The following LIN28B variants were observed in gnomAD, a reference collection of about 807,000 sequenced individuals.
LIN28B encodes the protein protein lin-28 homolog B.
In LIN28B, 5 loss-of-function variants were observed where a neutral mutation model predicts 21.9. That is an observed-to-expected ratio of 0.23 (90% CI 0.12 to 0.48). The LOEUF is 0.48. Ranked by LOEUF, LIN28B falls within the 20% of genes least tolerant of loss-of-function variation. LIN28B has a pLI of 0.98. For synonymous variants in LIN28B, 109 were observed against 111.3 expected, an observed-to-expected ratio of 0.98 and a Z score of 0.13; for missense variants, 245 against 310.5, an observed-to-expected ratio of 0.79 and a Z score of 1.58.
chr6:105,073,993 T>C (rs988212682), intron 3 of LIN28B, among the ~76,000 whole-genome samples: 4 of 152,254 alleles, frequency 2.6e-5, no homozygotes, highest in Non-Finnish European at 4.4e-5. Context: ...GAATTAGTTT[T>C]CATTTTTTGA....
intron 2 of LIN28B, among the ~76,000 whole-genome samples, chr6:104,982,750 A>G (rs1770253459): frequency 6.6e-6 from 1 of 152,178 alleles, no homozygotes; most frequent in South Asian, 2.1e-4. Flanking sequence ...TCTCATAATT[A>G]TTAAGTTAAA....
chr6:104,953,723 G>C (rs1335526704), upstream of LIN28B, among the ~76,000 whole-genome samples: 2 of 152,066 alleles, frequency 1.3e-5, no homozygotes, highest in Non-Finnish European at 2.9e-5. Flanking sequence ...CTCAGGTCTC[G>C]GCCGCCTGGG....
chr6:105,067,871 T>A (rs550204550), intron 3 of LIN28B, among the ~76,000 whole-genome samples: 1 of 152,298 alleles, frequency 6.6e-6, no homozygotes, highest in East Asian at 1.9e-4. Flanking sequence ...ATGCTCCCCT[T>A]TGCCCCCATG....
intron 3 of LIN28B, chr6:104,950,641 C>T (rs977147135): frequency 6.7e-6 from 3 of 447,062 alleles, no homozygotes; most frequent in African/African-American, 4.0e-5. Context: ...AGACAGGTAC[C>T]AAGTCCTCCT....
chr6:105,030,473 C>G (rs1031787045), intron 3 of LIN28B, among the ~76,000 whole-genome samples: 1 of 151,990 alleles, frequency 6.6e-6, no homozygotes, highest in Non-Finnish European at 1.5e-5. Context: ...TGTGAAGCAG[C>G]CTTGAAAATC....
intron 2 of LIN28B, among the ~76,000 whole-genome samples, chr6:104,996,501 C>G (rs1770607784): frequency 6.6e-6 from 1 of 152,110 alleles, no homozygotes; most frequent in Non-Finnish European, 1.5e-5. Flanking sequence ...CAGTATATAA[C>G]AGTGATAAGT....
chr6:104,996,252 A>G (rs1770600932), intron 2 of LIN28B, among the ~76,000 whole-genome samples: 1 of 152,212 alleles, frequency 6.6e-6, no homozygotes, highest in Non-Finnish European at 1.5e-5. Flanking sequence ...TAGAAAGAGG[A>G]ATATAGCAGG....
At chr6:105,017,072 CAAAAAAAA>C (rs56179020) in intron 2 of LIN28B, among the ~76,000 whole-genome samples, 3 of 86,064 alleles carry the variant, frequency 3.5e-5, no homozygotes, top group South Asian at 4.1e-4. Flanking sequence ...GACTCTGTCT[CAAAAAAAA>C]AAAAAAAAAA....
upstream of LIN28B, among the ~76,000 whole-genome samples, chr6:104,954,481 T>TC (rs746659239): frequency 2.6e-4 from 40 of 152,274 alleles, no homozygotes; most frequent in Non-Finnish European, 4.7e-4. Flanking sequence ...CTTTCCAACT[T>TC]CCTTGCTTTC....
At chr6:104,944,116 A>G (rs1327249089) in intron 2 of LIN28B, among the ~76,000 whole-genome samples, 2 of 132,406 alleles carry the variant, frequency 1.5e-5, no homozygotes, top group African/African-American at 5.0e-5. Flanking sequence ...ATATATGCAT[A>G]TATATTTCAT....
chr6:104,989,917 T>C lies in LIN28B; in HGVS notation c.198+31631T>C, dbSNP rs543150115. On this transcript the variant is annotated intron_variant, in intron 2 of 3. Coordinates refer to ENST00000345080, the MANE Select transcript of LIN28B (RefSeq NM_001004317.4). ...GCCAGTGAAATGAAATTTTAGGTTA[T>C]TGATTTTAAACGCTTCTTTTCTGTA... 1.4e-3 allele frequency among the ~76,000 whole-genome samples: 213 copies of C among 152,284 alleles called. 3 individuals are homozygous for C. Among genetic ancestry groups the C allele is most frequent in the Non-Finnish European group, 1.3e-3 (90 of 68,018 alleles).
intron 2 of LIN28B, among the ~76,000 whole-genome samples, chr6:104,942,909 A>ATTAG (rs201620852): frequency 1.3e-5 from 2 of 151,786 alleles, no homozygotes; most frequent in African/African-American, 4.8e-5. Context: ...GTGCTTCTCA[A>ATTAG]TAGATCTGGA....
At chr6:104,960,152 A>G (rs1291242211) in intron 2 of LIN28B, among the ~76,000 whole-genome samples, 1 of 152,134 alleles carries the variant, frequency 6.6e-6, no homozygotes, top group African/African-American at 2.4e-5. Context: ...GTATATACAT[A>G]CAGTTCATGT....
At chr6:104,991,542 C>T (rs1489034829) in intron 2 of LIN28B, among the ~76,000 whole-genome samples, 2 of 151,700 alleles carry the variant, frequency 1.3e-5, no homozygotes, top group East Asian at 3.9e-4. Flanking sequence ...GGCAGCCGGG[C>T]AGAGGGCCTC....
rs1016501682 is a variant in LIN28B, at chr6:104,970,274, T to C, written c.198+11988T>C. 3.3e-5 allele frequency among the ~76,000 whole-genome samples: 5 copies of C among 152,314 alleles called. No individual in the cohort carries two copies. The East Asian group carries it at 7.7e-4, about 23-fold the overall frequency. On this transcript the variant is annotated intron_variant, in intron 2 of 3. Transcript: ENST00000345080. ...GGGCCCCTATTAAGATTAATCTTAA[T>C]TCAGTATAGTTTTTTGGCTTTCAGG...
chr6:105,047,869 G>T (rs1771803307), intron 3 of LIN28B, among the ~76,000 whole-genome samples: 1 of 152,170 alleles, frequency 6.6e-6, no homozygotes, highest in Non-Finnish European at 1.5e-5. Context: ...CATTGATTTT[G>T]TATCCTGAGA....
At chr6:104,941,456 G>A (rs1264707374) in intron 2 of LIN28B, 1 of 139,206 alleles carries the variant, frequency 7.2e-6, no homozygotes, top group Admixed American at 8.0e-5. Context: ...AGGGCGGGGC[G>A]GGGCAGGGCG....
chr6:105,070,774 T>C (rs939934624), intron 3 of LIN28B, among the ~76,000 whole-genome samples: 2 of 152,088 alleles, frequency 1.3e-5, no homozygotes, highest in Non-Finnish European at 2.9e-5. Context: ...CTAGACCTTA[T>C]CTCAAGAAAA....
At chr6:105,078,065 GC>G (rs1198587802) in intron 3 of LIN28B, among the ~76,000 whole-genome samples, 2 of 152,102 alleles carry the variant, frequency 1.3e-5, no homozygotes, top group South Asian at 2.1e-4. Context: ...AATATTCGCT[GC>G]CCTCTAGTGG....
Sources: gnomAD v4.1 joint callset for allele counts (sites outside exome capture counted in the v4.1 genomes callset) on GRCh38, gnomAD v4.1.1 for gene constraint, MANE v1.5 for transcripts, NCBI Gene and HGNC (gene_info 2026-07-23, HGNC 2026-07-21) for gene names.